Variants in ADGRB3 observed in about 807,000 individuals in gnomAD.
ADGRB3 encodes brain-specific angiogenesis inhibitor 3.
A neutral mutation model predicts 193.4 loss-of-function variants in ADGRB3; 37 were observed. The observed-to-expected ratio is 0.19, with a 90% CI of 0.15 to 0.25. The LOEUF is 0.25. Among genes scored for constraint, ADGRB3 ranks in the 10% least tolerant of loss-of-function variants. The pLI is 1.00. For missense variants in ADGRB3, 1,637 were observed against 1,852.9 expected, an observed-to-expected ratio of 0.88 and a Z score of 2.14; for synonymous variants, 690 against 644.2, an observed-to-expected ratio of 1.07 and a Z score of -1.08.
chr6:68,766,414 G>C (rs1161515810), intron 3 of ADGRB3, among the ~76,000 whole-genome samples: 1 of 151,572 alleles, frequency 6.6e-6, no homozygotes. Context: ...AGGTTATGTC[G>C]GTTTATACAC....
At chr6:69,370,025 T>C (rs1228770304) in intron 29 of ADGRB3, among the ~76,000 whole-genome samples, 11 of 152,078 alleles carry the variant, frequency 7.2e-5, no homozygotes, top group South Asian at 2.1e-4. Context: ...TACTGTAACA[T>C]ATCACTCCTG....
At chr6:69,180,548 G>A (rs1335207552) in intron 17 of ADGRB3, among the ~76,000 whole-genome samples, 1 of 152,174 alleles carries the variant, frequency 6.6e-6, no homozygotes, top group African/African-American at 2.4e-5. Flanking sequence ...CCTAGGAATG[G>A]AGTAGAGAGA....
Position 68,983,628 on chromosome 6 carries a change from A to G in ADGRB3, c.1734+8288A>G, listed in dbSNP as rs910143567. Among the ~76,000 whole-genome samples the G allele has an allele frequency of 1.8e-4, 27 of 151,912 alleles. 1 individual carries two copies. Among genetic ancestry groups the G allele is most frequent in the Admixed American group, 1.3e-4 (2 of 15,224 alleles). On this transcript the variant is annotated intron_variant, in intron 10 of 31. Coordinates refer to ENST00000370598, the MANE Select transcript of ADGRB3 (RefSeq NM_001704.3). Reference sequence around the variant, plus strand: ...TCATCTACCCATTAATTCATTATACAAATAATCATTGACCTTTAACTATGT... The same window carrying G: ...TCATCTACCCATTAATTCATTATACGAATAATCATTGACCTTTAACTATGT...
intron 3 of ADGRB3, among the ~76,000 whole-genome samples, chr6:68,808,251 G>T (rs182153756): frequency 4.6e-5 from 7 of 152,136 alleles, no homozygotes; most frequent in Non-Finnish European, 1.0e-4. Flanking sequence ...ATCAATAAGA[G>T]AAGTAATATC....
intron 20 of ADGRB3, among the ~76,000 whole-genome samples, chr6:69,259,296 A>G (rs942439216): frequency 1.2e-4 from 19 of 152,212 alleles, no homozygotes; most frequent in African/African-American, 3.9e-4. Flanking sequence ...AAAGTCTTCA[A>G]TAATTAACCT....
intron 3 of ADGRB3, among the ~76,000 whole-genome samples, chr6:68,790,489 C>T (rs1767079808): frequency 6.6e-6 from 1 of 152,096 alleles, no homozygotes; most frequent in African/African-American, 2.4e-5. Context: ...CAGACTGCCT[C>T]CTCAAGTGGG....
At chr6:68,853,744 CA>C (rs553579424) in intron 3 of ADGRB3, among the ~76,000 whole-genome samples, 32 of 148,196 alleles carry the variant, frequency 2.2e-4, no homozygotes, top group African/African-American at 5.9e-4. Context: ...CTCAGACTTG[CA>C]AAAAAAAAGT....
At chr6:68,774,199 G>C (rs1766694301) in intron 3 of ADGRB3, among the ~76,000 whole-genome samples, 1 of 151,592 alleles carries the variant, frequency 6.6e-6, no homozygotes, top group South Asian at 2.1e-4. Flanking sequence ...AGGTATTCCT[G>C]AATAAATGAG....
chr6:69,227,798 A>T (rs1040090351), intron 17 of ADGRB3, among the ~76,000 whole-genome samples: 3 of 152,196 alleles, frequency 2.0e-5, no homozygotes, highest in African/African-American at 7.2e-5. Flanking sequence ...GTTCATCATT[A>T]AATGATGTTT....
intron 4 of ADGRB3, among the ~76,000 whole-genome samples, chr6:68,932,368 A>G (rs1767363705): frequency 6.6e-6 from 1 of 152,154 alleles, no homozygotes; most frequent in South Asian, 2.1e-4. Flanking sequence ...TCTGTGACAT[A>G]GTTCAATTCA....
chr6:69,105,314 A>G (rs945680295), intron 17 of ADGRB3, among the ~76,000 whole-genome samples: 16 of 152,234 alleles, frequency 1.1e-4, no homozygotes, highest in African/African-American at 3.6e-4. Flanking sequence ...GAGGACTTCC[A>G]CTGGTACTGA....
chr6:69,208,010 A>G (rs1765574565), intron 17 of ADGRB3, among the ~76,000 whole-genome samples: 1 of 152,196 alleles, frequency 6.6e-6, no homozygotes, highest in Non-Finnish European at 1.5e-5. Context: ...GAATGATGCC[A>G]TATCGAGGGC....
chr6:68,948,159 G>T (rs1767822405), intron 6 of ADGRB3, among the ~76,000 whole-genome samples: 1 of 152,158 alleles, frequency 6.6e-6, no homozygotes, highest in South Asian at 2.1e-4. Flanking sequence ...CACTATATTA[G>T]CTGAGAAAGA....
At chr6:69,054,078 A>G (rs557184) in intron 15 of ADGRB3, among the ~76,000 whole-genome samples, 75,165 of 152,020 alleles carry the variant, frequency 0.49, 20,735 homozygotes, top group East Asian at 0.96. Context: ...GATTAACATT[A>G]AAGACATTAT....
At chr6:69,026,011 G>A (rs575857432) in intron 13 of ADGRB3, among the ~76,000 whole-genome samples, 2 of 152,156 alleles carry the variant, frequency 1.3e-5, no homozygotes. Context: ...TAGTATAATA[G>A]ATTGGTAATG....
intron 3 of ADGRB3, among the ~76,000 whole-genome samples, chr6:68,664,276 A>T (rs1768743985): frequency 1.3e-5 from 2 of 151,770 alleles, no homozygotes; most frequent in South Asian, 4.1e-4. Context: ...TTGATATTAT[A>T]TTTAGGATAA....
intron 17 of ADGRB3, among the ~76,000 whole-genome samples, chr6:69,140,986 A>C (rs900762265): frequency 6.6e-6 from 1 of 152,164 alleles, no homozygotes; most frequent in Non-Finnish European, 1.5e-5. Context: ...GGAGCTTTCA[A>C]GGGGGAAGGG....
intron 17 of ADGRB3, among the ~76,000 whole-genome samples, chr6:69,119,957 G>A (rs1773638510): frequency 6.6e-6 from 1 of 152,184 alleles, no homozygotes; most frequent in South Asian, 2.1e-4. Flanking sequence ...CAGTGAGCCA[G>A]ATGAGAGATG....
At chr6:69,092,617 T>C (rs1772746570) in intron 17 of ADGRB3, among the ~76,000 whole-genome samples, 1 of 152,150 alleles carries the variant, frequency 6.6e-6, no homozygotes, top group Non-Finnish European at 1.5e-5. Context: ...TACATATTAA[T>C]AAACACAGAT....
Sources: gnomAD v4.1 joint callset for allele counts (sites outside exome capture counted in the v4.1 genomes callset) on GRCh38, gnomAD v4.1.1 for gene constraint, MANE v1.5 for transcripts, NCBI Gene and HGNC (gene_info 2026-07-23, HGNC 2026-07-21) for gene names.